Variants in MPRIP observed in about 807,000 individuals in gnomAD.
The protein encoded by MPRIP is myosin phosphatase Rho-interacting protein.
A neutral mutation model predicts 234.9 loss-of-function variants in MPRIP; 59 were observed. That is an observed-to-expected ratio of 0.25 (90% CI 0.20 to 0.31). The LOEUF is 0.31. Ranked by LOEUF, MPRIP falls within the 10% of genes least tolerant of loss-of-function variation. The pLI, the probability that MPRIP is intolerant of heterozygous loss-of-function variation, is 1.00. For missense variants in MPRIP, 2,436 were observed against 3,071.0 expected, an observed-to-expected ratio of 0.79 and a Z score of 4.89; for synonymous variants, 1,144 against 1,263.9, an observed-to-expected ratio of 0.91 and a Z score of 2.01.
Position 17,158,446 on chromosome 17 carries a change from A to T in MPRIP, c.1844A>T (p.Glu615Val). ...CTGCCCCACAGCTCGTTGCCAGAGG[A>T]AAAAAACAAGAGCAGCTGCTCTTTT... ...APDVTSSLPE[E>V]KNKSSCSFET... Residue 615 changes from glutamate (E) to valine (V), a missense_variant, in exon 14 of 24, where the codon GAA becomes GTA. This residue lies in a region of MPRIP where 1,998 missense variants were observed against 2,520.3 expected (regional missense o/e 0.79). Transcript: ENST00000651222. 12 of 1,569,772 alleles carry T rather than the reference A, an allele frequency of 7.6e-6. No individual in the cohort carries two copies. The highest frequency in any genetic ancestry group is 9.5e-6 in the Non-Finnish European group (11 of 1,157,926).
chr17:17,148,520 AAAAT>A (rs2045528375), intron 11 of MPRIP, among the ~76,000 whole-genome samples: 1 of 152,234 alleles, frequency 6.6e-6, no homozygotes, highest in African/African-American at 2.4e-5. Context: ...TAATCGTTTT[AAAAT>A]AAATAAGGTC....
intron 3 of MPRIP, among the ~76,000 whole-genome samples, chr17:17,110,505 A>G (rs1049693328): frequency 2.6e-5 from 4 of 152,212 alleles, no homozygotes; most frequent in Non-Finnish European, 2.9e-5. Context: ...TCCTTACTTA[A>G]GGAGATGGCC....
chr17:17,043,187 C>T (rs1270201712), intron 1 of MPRIP, among the ~76,000 whole-genome samples: 3 of 152,176 alleles, frequency 2.0e-5, no homozygotes, highest in Non-Finnish European at 4.4e-5. Context: ...GTTCCCATTG[C>T]CCGGCTGTGT....
chr17:17,087,042 T>C (rs931876954), intron 3 of MPRIP, among the ~76,000 whole-genome samples: 2 of 152,168 alleles, frequency 1.3e-5, no homozygotes, highest in Non-Finnish European at 2.9e-5. Flanking sequence ...GCTTTCTTGT[T>C]GTTTGCACCT....
At position 17,186,251 on chromosome 17, in the gene MPRIP, G is replaced by C. The variant is rs1417966304; in HGVS notation, c.*1357G>C. On this transcript the variant is annotated 3_prime_UTR_variant, in exon 24 of 24. Coordinates refer to ENST00000651222, the MANE Select transcript of MPRIP (RefSeq NM_001364716.4). Reference sequence around the variant, plus strand: ...TGTGTTGGTGTGATGGTCTCTGTGGGTGGGTGGATGCTTTGGGCGTTGAAA... The same window carrying C: ...TGTGTTGGTGTGATGGTCTCTGTGGCTGGGTGGATGCTTTGGGCGTTGAAA... 6.6e-6 allele frequency: 1 copy of C among 152,178 alleles called. No homozygotes were observed. Among genetic ancestry groups the C allele is most frequent in the Non-Finnish European group, 1.5e-5 (1 of 68,052 alleles). 9.4% of individuals were successfully genotyped at this position (152,178 alleles called of 1,614,324 possible). A position where few individuals can be genotyped will look rare whatever the true frequency, so the allele number is the denominator to read the frequency against.
intron 3 of MPRIP, among the ~76,000 whole-genome samples, chr17:17,098,582 C>T (rs898732611): frequency 1.3e-5 from 2 of 152,178 alleles, no homozygotes; most frequent in Non-Finnish European, 1.5e-5. Flanking sequence ...GGCCCACACT[C>T]GGAGGAGGGA....
rs1283558317 is a variant in MPRIP at position 17,184,814 on chromosome 17, T to A, written c.7207-9T>A. The stretch of plus-strand genomic sequence containing the variant: ...GTTTATTTTCTCCTCCTGCTCTGTC[T>A]CTACCCAGAGTCTGAAGGAAGGCCT... On this transcript the variant is annotated splice_polypyrimidine_tract_variant and intron_variant, in intron 23 of 23. Transcript: ENST00000651222. 1 of 1,610,098 alleles carries A rather than the reference T, an allele frequency of 6.2e-7. No individual in the cohort carries two copies.
intron 3 of MPRIP, chr17:17,096,664 T>TA (rs1165291385): frequency 2.3e-6 from 1 of 439,542 alleles, no homozygotes; most frequent in Non-Finnish European, 4.8e-6. Context: ...CCACAGCTGA[T>TA]ACTCCGGCTG....
chr17:17,110,044 G>A (rs1275203698), intron 3 of MPRIP, among the ~76,000 whole-genome samples: 1 of 152,160 alleles, frequency 6.6e-6, no homozygotes, highest in South Asian at 2.1e-4. Flanking sequence ...TGGGTCATGA[G>A]GGCAGATCCC....
chr17:17,185,013 CGTTAACT>C lies in MPRIP; in HGVS notation c.*122_*128del. The stretch of plus-strand genomic sequence containing the variant: ...TTATTATTATTGCTGTTGTTGTCAT[CGTTAACT>C]GTGGGCATGGAATGCGTGAGGCTGG... On this transcript the variant is annotated 3_prime_UTR_variant, in exon 24 of 24. Coordinates refer to ENST00000651222, the MANE Select transcript of MPRIP (RefSeq NM_001364716.4). 2 of 682,740 alleles carry C rather than the reference CGTTAACT, an allele frequency of 2.9e-6. No homozygotes were observed. 42.3% of individuals were successfully genotyped at this position (682,740 alleles called of 1,614,324 possible).
At chr17:17,176,942 G>T (rs577779222) in intron 21 of MPRIP, among the ~76,000 whole-genome samples, 1 of 152,322 alleles carries the variant, frequency 6.6e-6, no homozygotes, top group East Asian at 1.9e-4. Context: ...CCAGGCTGAA[G>T]CCCACAAGGG....
intron 1 of MPRIP, among the ~76,000 whole-genome samples, chr17:17,052,254 G>A (rs2088564665): frequency 6.6e-6 from 1 of 152,218 alleles, no homozygotes; most frequent in African/African-American, 2.4e-5. Flanking sequence ...CCTTGGGAAG[G>A]CCACTTTGCT....
rs1294541692 is a variant in MPRIP at position 17,185,740 on chromosome 17, T to C, written c.*846T>C. 2.9e-6 allele frequency: 1 copy of C among 346,784 alleles called. No individual in the cohort carries two copies. Among genetic ancestry groups the C allele is most frequent in the African/African-American group, 2.2e-5 (1 of 46,306 alleles). The allele number at this position is 346,784 out of a possible 1,614,324, so 21.5% of individuals were successfully genotyped here. A position where few individuals can be genotyped will look rare whatever the true frequency, so the allele number is the denominator to read the frequency against. On this transcript the variant is annotated 3_prime_UTR_variant, in exon 24 of 24. Coordinates refer to ENST00000651222, the MANE Select transcript of MPRIP (RefSeq NM_001364716.4). ...GAATCATTCAAAATGGGGGAAGGTT[T>C]GGGGGTTTGGGTTTTTTTTTTACCT...
chr17:17,155,516 T>C (rs1413668033), intron 13 of MPRIP, among the ~76,000 whole-genome samples: 1 of 152,206 alleles, frequency 6.6e-6, no homozygotes, highest in Non-Finnish European at 1.5e-5. Context: ...AGTGCTGAAA[T>C]TGCAGGCATG....
chr17:17,071,280 T>C (rs2089187213), intron 1 of MPRIP, among the ~76,000 whole-genome samples: 1 of 152,216 alleles, frequency 6.6e-6, no homozygotes, highest in South Asian at 2.1e-4. Context: ...GGGCTGCTCC[T>C]TTCTGGTTCT....
chr17:17,047,783 C>T lies in MPRIP; in HGVS notation c.123+4812C>T, dbSNP rs576270507. 8.9e-4 allele frequency among the ~76,000 whole-genome samples: 135 copies of T among 152,172 alleles called. No individual in the cohort carries two copies. In the Middle Eastern group the frequency reaches 0.014, roughly 15 times the overall value. ...AAAAAATAATATGGTAAGTTTGACCCTTATGGACGTAGAGGGAGGCTGGGT... is the reference window on the plus strand; with the variant it reads ...AAAAAATAATATGGTAAGTTTGACCTTTATGGACGTAGAGGGAGGCTGGGT... On this transcript the variant is annotated intron_variant, in intron 1 of 23. Transcript: ENST00000651222.
At chr17:17,111,675 G>C (rs1377334335) in intron 3 of MPRIP, among the ~76,000 whole-genome samples, 3 of 152,198 alleles carry the variant, frequency 2.0e-5, no homozygotes, top group Non-Finnish European at 4.4e-5. Flanking sequence ...TCTTCTGCCT[G>C]TTAAACCGAG....
chr17:17,106,040 T>G (rs757338638), intron 3 of MPRIP, among the ~76,000 whole-genome samples: 1 of 152,224 alleles, frequency 6.6e-6, no homozygotes, highest in Non-Finnish European at 1.5e-5. Flanking sequence ...AGTACCATGA[T>G]CAGGATCTTC....
At chr17:17,144,139 G>C (rs1386193762) in intron 9 of MPRIP, among the ~76,000 whole-genome samples, 1 of 150,286 alleles carries the variant, frequency 6.7e-6, no homozygotes, top group Admixed American at 6.5e-5. Flanking sequence ...AGGTGCGGAA[G>C]GAGTGGTCAG....
Sources: allele counts gnomAD v4.1 joint callset (sites outside exome capture counted in the v4.1 genomes callset), GRCh38; gene constraint gnomAD v4.1.1; regional missense constraint gnomAD v4.1.1; transcripts MANE v1.5; gene names NCBI Gene and HGNC (gene_info 2026-07-23, HGNC 2026-07-21).